Variants in POU6F2 observed in about 807,000 individuals in gnomAD.
The protein encoded by POU6F2 is POU domain, class 6, transcription factor 2.
POU6F2 carries 31 observed loss-of-function variants against 71.3 expected under a neutral mutation model. That is an observed-to-expected ratio of 0.43 (90% CI 0.33 to 0.59). The LOEUF (loss-of-function observed/expected upper bound fraction) is 0.59, where lower values mean the gene tolerates loss of function less well. Ranked by LOEUF, POU6F2 falls within the 20% of genes least tolerant of loss-of-function variation. The pLI is 0.04. For missense variants in POU6F2, 783 were observed against 856.8 expected (o/e 0.91, Z 1.07); for synonymous variants, 347 against 355.7 (o/e 0.98, Z 0.27).
rs1474793839 is a variant in POU6F2, at chr7:39,460,027, G to A, written c.1490-520G>A. On this transcript the variant is annotated intron_variant, in intron 8 of 9. Coordinates refer to ENST00000518318, the MANE Select transcript of POU6F2 (RefSeq NM_001370959.1). The surrounding 1 kb of genome is among the most constrained non-coding windows in gnomAD (Gnocchi z 4.4). ...GACTAATGTGAATGTAAGAAATTAG[G>A]CAACATTATCATCTGTTAGCCTAGC... 6.6e-6 allele frequency among the ~76,000 whole-genome samples: 1 copy of A among 152,094 alleles called. No individual in the cohort carries two copies. The highest frequency in any genetic ancestry group is 2.4e-5 in the African/African-American group (1 of 41,408).
chr7:39,404,272 T>A (rs1787369355), intron 5 of POU6F2, among the ~76,000 whole-genome samples: 2 of 152,340 alleles, frequency 1.3e-5, no homozygotes, highest in Admixed American at 1.3e-4. Context: ...TAATTGTTTA[T>A]CCTTTATGCA....
intron 5 of POU6F2, among the ~76,000 whole-genome samples, chr7:39,391,989 A>G (rs10227915): frequency 0.24 from 36,354 of 152,098 alleles, 4,826 homozygotes; most frequent in East Asian, 0.49. Flanking sequence ...AAGCCAACCT[A>G]GAAGTCAATG....
At chr7:39,452,349 G>A (rs190413843) in intron 8 of POU6F2, among the ~76,000 whole-genome samples, 4 of 152,316 alleles carry the variant, frequency 2.6e-5, no homozygotes, top group African/African-American at 7.2e-5. Flanking sequence ...GGGATAGATA[G>A]TATATTTATC....
chr7:39,214,372 T>C (rs903999419), intron 4 of POU6F2, among the ~76,000 whole-genome samples: 4 of 152,186 alleles, frequency 2.6e-5, no homozygotes, highest in African/African-American at 9.6e-5. Flanking sequence ...CCTTACTCGC[T>C]TTCTGCATTT....
intron 2 of POU6F2, among the ~76,000 whole-genome samples, chr7:39,167,700 C>A (rs2128738238): frequency 6.6e-6 from 1 of 151,866 alleles, no homozygotes; most frequent in African/African-American, 2.4e-5. Flanking sequence ...TTATTCATAT[C>A]TTTTACCAAT....
intron 1 of POU6F2, among the ~76,000 whole-genome samples, chr7:39,017,096 A>G (rs936512240): frequency 2.0e-5 from 3 of 152,134 alleles, no homozygotes; most frequent in Non-Finnish European, 4.4e-5. Flanking sequence ...CCCTTATGTA[A>G]CTATGAGTTC....
intron 7 of POU6F2, among the ~76,000 whole-genome samples, chr7:39,444,797 C>T (rs1030788396): frequency 6.6e-6 from 1 of 152,130 alleles, no homozygotes. Context: ...TTGCCCCGTG[C>T]CTATGAATTA....
At chr7:39,092,969 C>T (rs920171851) in intron 2 of POU6F2, among the ~76,000 whole-genome samples, 3 of 152,022 alleles carry the variant, frequency 2.0e-5, no homozygotes, top group Non-Finnish European at 1.5e-5. Flanking sequence ...CCCCCAAGAT[C>T]GCTTCTTAAT....
intron 4 of POU6F2, among the ~76,000 whole-genome samples, chr7:39,331,828 G>A (rs987950311): frequency 6.4e-4 from 98 of 152,212 alleles, no homozygotes; most frequent in African/African-American, 2.2e-3. Flanking sequence ...GGTTTTGAAA[G>A]GCATTTCCCT....
intron 6 of POU6F2, among the ~76,000 whole-genome samples, chr7:39,416,774 A>T (rs1289443962): frequency 1.3e-5 from 2 of 152,148 alleles, no homozygotes; most frequent in Admixed American, 1.3e-4. Flanking sequence ...CAAGTATATC[A>T]ATTGTTAGAA....
At chr7:39,218,459 C>T (rs972275921) in intron 4 of POU6F2, among the ~76,000 whole-genome samples, 4 of 152,062 alleles carry the variant, frequency 2.6e-5, no homozygotes, top group African/African-American at 4.8e-5. Flanking sequence ...TCTTCTCTTA[C>T]GTGTGTAATT....
At chr7:39,329,521 G>A (rs1464098573) in intron 4 of POU6F2, among the ~76,000 whole-genome samples, 4 of 152,024 alleles carry the variant, frequency 2.6e-5, no homozygotes, top group South Asian at 2.1e-4. Context: ...CGAAGTCACC[G>A]CCCCCTTACG....
intron 2 of POU6F2, among the ~76,000 whole-genome samples, chr7:39,133,508 T>C (rs897350440): frequency 4.6e-5 from 7 of 152,256 alleles, no homozygotes; most frequent in Non-Finnish European, 1.0e-4. Flanking sequence ...CGTTGGTGAA[T>C]GTACTCAAGA....
intron 5 of POU6F2, among the ~76,000 whole-genome samples, chr7:39,347,846 G>T (rs1334513174): frequency 7.0e-6 from 1 of 142,394 alleles, no homozygotes; most frequent in Non-Finnish European, 1.6e-5. Context: ...TGCCCAGGCT[G>T]GTCTCGAACT....
At chr7:39,186,061 C>T (rs566836402) in intron 2 of POU6F2, among the ~76,000 whole-genome samples, 90 of 152,186 alleles carry the variant, frequency 5.9e-4, no homozygotes, top group Non-Finnish European at 1.1e-3. Context: ...CAGGCACTCA[C>T]TACCACGCGT....
intron 5 of POU6F2, among the ~76,000 whole-genome samples, chr7:39,350,809 C>CT (rs1786125751): frequency 6.6e-6 from 1 of 152,238 alleles, no homozygotes; most frequent in South Asian, 2.1e-4. Context: ...TGGCAGGTGA[C>CT]TGTCTCTCCC....
At chr7:39,396,475 G>C (rs760997849) in intron 5 of POU6F2, among the ~76,000 whole-genome samples, 2 of 152,106 alleles carry the variant, frequency 1.3e-5, no homozygotes, top group Admixed American at 6.5e-5. Flanking sequence ...CCCCATGTAG[G>C]ATATAGCTCT....
chr7:39,122,078 A>G (rs1275893581), intron 2 of POU6F2, among the ~76,000 whole-genome samples: 2 of 152,222 alleles, frequency 1.3e-5, no homozygotes, highest in African/African-American at 4.8e-5. Flanking sequence ...ATGTGATGCC[A>G]TTTCCATTCT....
chr7:39,377,322 A>G (rs1272840933), intron 5 of POU6F2, among the ~76,000 whole-genome samples: 1 of 151,922 alleles, frequency 6.6e-6, no homozygotes, highest in Non-Finnish European at 1.5e-5. Context: ...GTCGAGACAG[A>G]GTTTTGCCAT....
Sources: allele counts gnomAD v4.1 joint callset (sites outside exome capture counted in the v4.1 genomes callset), GRCh38; gene constraint gnomAD v4.1.1; non-coding constraint Gnocchi (gnomAD v3.1); transcripts MANE v1.5; gene names NCBI Gene and HGNC (gene_info 2026-07-23, HGNC 2026-07-21).